The following GGA3 variants were observed in gnomAD, a reference collection of about 807,000 sequenced individuals.
GGA3 encodes ADP-ribosylation factor-binding protein GGA3.
In GGA3, 57 loss-of-function variants were observed where a neutral mutation model predicts 77.5. The ratio of observed to expected loss-of-function variants is 0.74; its 90% CI spans 0.59 to 0.92. The LOEUF (loss-of-function observed/expected upper bound fraction) is 0.92. Ranked by LOEUF, GGA3 falls within the 40% of genes least tolerant of loss-of-function variation. The pLI is 0.00. For missense variants in GGA3, 970 were observed against 914.9 expected (o/e 1.06, Z -0.78); for synonymous variants, 416 against 383.7 (o/e 1.08, Z -0.98).
At chr17:75,261,216 C>G (rs761819166) in intron 1 of GGA3, among the ~76,000 whole-genome samples, 8 of 152,212 alleles carry the variant, frequency 5.3e-5, no homozygotes, top group Non-Finnish European at 1.0e-4. Flanking sequence ...GGGCGGCGAC[C>G]CCACCACAAT....
At chr17:75,250,224 C>T (rs2145559956) in intron 1 of GGA3, among the ~76,000 whole-genome samples, 1 of 152,356 alleles carries the variant, frequency 6.6e-6, no homozygotes, top group South Asian at 2.1e-4. Flanking sequence ...CCCGAGCTTC[C>T]CCTATAGACC....
intron 14 of GGA3, 110 bp downstream of exon 14, chr17:75,239,265 C>T: frequency 1.6e-5 from 17 of 1,075,038 alleles, no homozygotes; most frequent in Non-Finnish European, 2.3e-5. Flanking sequence ...GCCTGCCTGG[C>T]TTTAAGGGAC....
At chr17:75,248,347 TG>T (rs2145544933) in intron 1 of GGA3, among the ~76,000 whole-genome samples, 1 of 151,318 alleles carries the variant, frequency 6.6e-6, no homozygotes, top group South Asian at 2.1e-4. Context: ...GGCGGGCGCC[TG>T]TAGTCCCAGC....
Position 75,244,551 on chromosome 17 carries a change from A to G in GGA3, c.300+68T>C, listed in dbSNP as rs1452089824. ...AGATGTTGGATGGGCAGTGAAAGCC[A>G]GTATGATGGGAGATGGGAATGAACA... On this transcript the variant is annotated intron_variant, in intron 4 of 16. Coordinates refer to ENST00000537686, the MANE Select transcript of GGA3 (RefSeq NM_138619.4). The G allele has an allele frequency of 1.3e-4, 120 of 952,064 alleles. No homozygotes were observed. The East Asian group carries it at 2.8e-3, about 23-fold the overall frequency. The allele number at this position is 952,064 out of a possible 1,614,324, so 59.0% of individuals were successfully genotyped here. A position where few individuals can be genotyped will look rare whatever the true frequency, so the allele number is the denominator to read the frequency against.
chr17:75,249,336 C>T (rs986646139), intron 1 of GGA3, among the ~76,000 whole-genome samples: 1 of 152,174 alleles, frequency 6.6e-6, no homozygotes, highest in Non-Finnish European at 1.5e-5. Context: ...AGCCACCGCA[C>T]CCCGCCTAGG....
intron 1 of GGA3, among the ~76,000 whole-genome samples, chr17:75,254,200 C>T (rs1267367435): frequency 6.6e-6 from 1 of 152,016 alleles, no homozygotes; most frequent in Admixed American, 6.6e-5. Context: ...TTCTACAGAC[C>T]CATCTGACCT....
At chr17:75,241,560 C>G in intron 9 of GGA3, 44 bp from the exon 10 acceptor site, 1 of 1,600,646 alleles carries the variant, frequency 6.2e-7, no homozygotes, top group Non-Finnish European at 8.6e-7. Context: ...TGTGACAGTT[C>G]CCACCCACAT....
At chr17:75,241,819 A>T in intron 8 of GGA3, 123 bp from the exon 9 acceptor site, 1 of 825,222 alleles carries the variant, frequency 1.2e-6, no homozygotes, top group Non-Finnish European at 2.1e-6. Context: ...TTACCAGCAA[A>T]GCTGGGATCA....
At chr17:75,255,398 T>C (rs113748662) in intron 1 of GGA3, among the ~76,000 whole-genome samples, 51 of 152,302 alleles carry the variant, frequency 3.3e-4, no homozygotes, top group Middle Eastern at 3.4e-3. Context: ...CTACATCTCA[T>C]TGCTGCCCTT....
At chr17:75,255,359 C>A (rs2145587852) in intron 1 of GGA3, among the ~76,000 whole-genome samples, 1 of 152,284 alleles carries the variant, frequency 6.6e-6, no homozygotes, top group Admixed American at 6.5e-5. Context: ...ACTAAATTAT[C>A]TGCTTCCCTG....
At position 75,240,831 on chromosome 17, in the gene GGA3, G is replaced by T. The variant is rs200049172; in HGVS notation, c.1173C>A (p.Asp391Glu). ...SSTSNALSWL[D>E]EELLCLGLAD... Reference sequence around the variant, plus strand: ...CCGCACCCAAGCAGAGTAGCTCCTCGTCCAGCCAGGAGAGGGCGTTGCTTG... The same window carrying T: ...CCGCACCCAAGCAGAGTAGCTCCTCTTCCAGCCAGGAGAGGGCGTTGCTTG... Residue 391 changes from aspartate to glutamate, a missense_variant, in exon 11 of 17, where the codon GAC becomes GAA. Physicochemically the swap from Asp to Glu is conservative, Grantham distance 45. Transcript: ENST00000537686. 1.0e-4 allele frequency: 163 copies of T among 1,612,044 alleles called. 2 individuals carry two copies. In the Admixed American group the frequency reaches 2.5e-3, roughly 25 times the overall value.
In GGA3 at chr17:75,237,934, C is replaced by A. The variant is rs1475318548; in HGVS notation, c.*345G>T. On this transcript the variant is annotated 3_prime_UTR_variant, in exon 17 of 17. Coordinates refer to ENST00000537686, the MANE Select transcript of GGA3 (RefSeq NM_138619.4). ...TTAGAGACTCCCACCCCCCACCCCC[C>A]ACCCCAGTGGCTTCAGTGAATGCCA... 1.2e-4 allele frequency: 81 copies of A among 655,638 alleles called. No individual in the cohort carries two copies. The highest frequency in any genetic ancestry group is 1.1e-3 in the Middle Eastern group (2 of 1,772). 40.6% of individuals were successfully genotyped at this position (655,638 alleles called of 1,614,324 possible).
At chr17:75,262,255 G>T (rs1276901536), upstream of GGA3, 2 of 636,408 alleles carry the variant, frequency 3.1e-6, no homozygotes, top group Non-Finnish European at 5.4e-6. Flanking sequence ...ATTGGGATGG[G>T]TGTGTAGGCG....
Position 75,242,069 on chromosome 17 carries a change from A to G in GGA3, c.747+267T>C. ...AAGGTAGTAAGGAAAGGGAGAGAGC[A>G]GGGGTGAGCACCGAGAGTGTGGTCT... On this transcript the variant is annotated intron_variant, in intron 8 of 16. Transcript: ENST00000537686. 1.6e-5 allele frequency: 9 copies of G among 568,360 alleles called. No individual in the cohort carries two copies. The South Asian group carries it at 1.8e-4, about 12-fold the overall frequency. The allele number at this position is 568,360 out of a possible 1,614,324, so 35.2% of individuals were successfully genotyped here. A position where few individuals can be genotyped will look rare whatever the true frequency, so the allele number is the denominator to read the frequency against.
chr17:75,262,140 G>A (rs574082547), upstream of GGA3: 808 of 866,770 alleles, frequency 9.3e-4, no homozygotes, highest in Middle Eastern at 0.013. Flanking sequence ...CAATCCGAAG[G>A]TTTAGTGACT....
Position 75,244,672 on chromosome 17 carries a change from C to A in GGA3, c.247G>T (p.Glu83Ter). 1 of 1,613,994 alleles carries A rather than the reference C, an allele frequency of 6.2e-7. No homozygotes were observed. The highest frequency in any genetic ancestry group is 8.5e-7 in the Non-Finnish European group (1 of 1,179,846). The change falls in exon 4 of 17, where the codon GAA becomes TAA. Residue 83 changes from glutamate (E) to a stop codon, truncating the protein, a stop_gained. Coordinates refer to ENST00000537686, the MANE Select transcript of GGA3 (RefSeq NM_138619.4). LOFTEE classifies it high-confidence loss of function. Reference sequence around the variant, plus strand: ...TTCAAAAAGCGGAACTTCCCCACTTCGTTATGAAATCTCCTCCCACAGTTC... The same window carrying A: ...TTCAAAAAGCGGAACTTCCCCACTTAGTTATGAAATCTCCTCCCACAGTTC... ...MKNCGRRFHN[E>*]VGKFRFLNEL... is the part of the protein sequence containing the mutation.
intron 1 of GGA3, among the ~76,000 whole-genome samples, chr17:75,257,287 C>A (rs558463599): frequency 0.23 from 16,745 of 73,698 alleles, 2,812 homozygotes; most frequent in African/African-American, 0.4. Flanking sequence ...TGCCCCCCCC[C>A]CCAAAAAAAA....
Position 75,245,727 on chromosome 17 carries a change from G to A in GGA3, c.201+782C>T, listed in dbSNP as rs377193958. On this transcript the variant is annotated intron_variant, in intron 3 of 16. Coordinates refer to ENST00000537686, the MANE Select transcript of GGA3 (RefSeq NM_138619.4). ...TTTTGTAGAGACAATGTCTCACTAC[G>A]TTGCCTAGGCTGGTCTTGAATTCCC... Among the ~76,000 whole-genome samples the A allele has an allele frequency of 1.3e-4, 20 of 152,088 alleles. 4 individuals are homozygous for A. Among genetic ancestry groups the A allele is most frequent in the Admixed American group, 4.6e-4 (7 of 15,292 alleles).
rs1359970003 is a variant in GGA3, at chr17:75,237,921, A to AC, written c.*357dup. 25 of 424,680 alleles carry AC rather than the reference A, an allele frequency of 5.9e-5. No individual in the cohort carries two copies. In the African/African-American group the frequency reaches 1.0e-3, roughly 18 times the overall value. The allele number at this position is 424,680 out of a possible 1,614,324, so 26.3% of individuals were successfully genotyped here. A position where few individuals can be genotyped will look rare whatever the true frequency, so the allele number is the denominator to read the frequency against. On this transcript the variant is annotated 3_prime_UTR_variant, in exon 17 of 17. Coordinates refer to ENST00000537686, the MANE Select transcript of GGA3 (RefSeq NM_138619.4). ...TGACAGTCTCTCTTTAGAGACTCCC[A>AC]CCCCCCACCCCCCACCCCAGTGGCT...
Sources: gnomAD v4.1 joint callset for allele counts (sites outside exome capture counted in the v4.1 genomes callset) on GRCh38, gnomAD v4.1.1 for gene constraint, MANE v1.5 for transcripts, NCBI Gene and HGNC (gene_info 2026-07-23, HGNC 2026-07-21) for gene names.